Variants in RSPH10B2 observed in about 807,000 individuals in gnomAD.
RSPH10B2 encodes the protein radial spoke head 10 homolog B2, also known as radial spoke head 10 homolog B2 (Chlamydomonas).
Under a neutral mutation model 49.0 loss-of-function variants are expected in RSPH10B2, and 9 were observed. The observed-to-expected ratio is 0.18, with a 90% CI of 0.11 to 0.32. The LOEUF is 0.32. Among genes scored for constraint, RSPH10B2 ranks in the 10% least tolerant of loss-of-function variants. The pLI, the probability that RSPH10B2 is intolerant of heterozygous loss-of-function variation, is 1.00. For missense variants in RSPH10B2, 95 were observed against 589.9 expected (o/e 0.16, Z 8.69); for synonymous variants, 35 against 210.2 (o/e 0.17, Z 7.21).
chr7:6,756,085 G>C (rs966721303), upstream of RSPH10B2, among the ~76,000 whole-genome samples: 29 of 150,490 alleles, frequency 1.9e-4, no homozygotes, highest in Non-Finnish European at 4.4e-5. Flanking sequence ...TGGCTAACCC[G>C]GTGAAACCCC....
At chr7:6,785,165 G>A (rs1782100710) in intron 13 of RSPH10B2, among the ~76,000 whole-genome samples, 1 of 107,426 alleles carries the variant, frequency 9.3e-6, no homozygotes, top group South Asian at 3.2e-4. Flanking sequence ...GTGTGTGTGT[G>A]TGTGTGTGTG....
rs533803391 is a variant in RSPH10B2 at position 6,784,644 on chromosome 7, C to A, written c.1759-1305C>A. Among the ~76,000 whole-genome samples, 116 of 119,708 alleles carry A rather than the reference C, an allele frequency of 9.7e-4. 14 individuals are homozygous for A. Among genetic ancestry groups the A allele is most frequent in the African/African-American group, 3.6e-3 (103 of 28,288 alleles). The allele number at this position is 119,708 out of a possible 152,430, so 78.5% of individuals were successfully genotyped here. A position where few individuals can be genotyped will look rare whatever the true frequency, so the allele number is the denominator to read the frequency against. ...GCGGTGGCACGATCTCACCTCACTG[C>A]AACCTCTGCCTCCTGGGCTCAAGTG... On this transcript the variant is annotated intron_variant, in intron 13 of 18. Coordinates refer to ENST00000297186, the Ensembl canonical transcript of RSPH10B2.
chr7:6,782,790 G>A (rs1241186985), intron 13 of RSPH10B2, among the ~76,000 whole-genome samples: 1 of 115,926 alleles, frequency 8.6e-6, no homozygotes, highest in African/African-American at 3.4e-5. Context: ...GGCTGAGGCA[G>A]GAGAATTGCT....
chr7:6,783,877 C>A (rs1782039710), intron 13 of RSPH10B2, among the ~76,000 whole-genome samples: 1 of 141,898 alleles, frequency 7.0e-6, no homozygotes, highest in African/African-American at 2.7e-5. Context: ...TGCTCTGTCG[C>A]CCAGGCTGGA....
chr7:6,768,197 A>G (rs1361304878), intron 6 of RSPH10B2, among the ~76,000 whole-genome samples: 2 of 151,094 alleles, frequency 1.3e-5, no homozygotes, highest in Non-Finnish European at 3.0e-5. Context: ...ATAAAAATAT[A>G]TAAAAGCAAA....
intron 13 of RSPH10B2, among the ~76,000 whole-genome samples, chr7:6,782,844 C>A (rs533715501): frequency 0.015 from 1,726 of 118,948 alleles, 405 homozygotes; most frequent in African/African-American, 0.054. Context: ...AATTGTGCCA[C>A]TGCACTCCAG....
chr7:6,758,185 G>T (rs1383501193), intron 1 of RSPH10B2, among the ~76,000 whole-genome samples: 3 of 150,004 alleles, frequency 2.0e-5, no homozygotes, highest in Non-Finnish European at 4.4e-5. Flanking sequence ...TCACCCTGTT[G>T]GCCAGGCTGG....
intron 16 of RSPH10B2, among the ~76,000 whole-genome samples, chr7:6,791,456 C>A (rs1164029845): frequency 6.7e-6 from 1 of 148,368 alleles, no homozygotes; most frequent in African/African-American, 2.5e-5. Context: ...TTAAAATAGT[C>A]AAATTGGCTG....
chr7:6,791,240 G>T (rs1782310237), intron 16 of RSPH10B2, among the ~76,000 whole-genome samples: 1 of 115,526 alleles, frequency 8.7e-6, no homozygotes, highest in African/African-American at 3.7e-5. Context: ...CTGACCTTGT[G>T]ATCCACCTGT....
intron 4 of RSPH10B2, among the ~76,000 whole-genome samples, chr7:6,764,708 T>TGTG (rs374611457): frequency 2.0e-5 from 3 of 147,598 alleles, no homozygotes; most frequent in East Asian, 4.0e-4. Flanking sequence ...GTTGTTGTTG[T>TGTG]TGTGTGTGTG....
chr7:6,774,757 T>TG (rs1781709410), intron 9 of RSPH10B2, among the ~76,000 whole-genome samples: 2 of 79,074 alleles, frequency 2.5e-5, no homozygotes, highest in South Asian at 1.1e-3. Context: ...TTTTTTTTGT[T>TG]TTTTTTTTTT....
At chr7:6,754,629 G>A (rs2115388776), upstream of RSPH10B2, 1 of 56,964 alleles carries the variant, frequency 1.8e-5, no homozygotes, top group Non-Finnish European at 3.3e-5. Flanking sequence ...GGTGGCTCAC[G>A]CCTGTAACCC....
chr7:6,795,680 G>C (rs1321527189), intron 17 of RSPH10B2, among the ~76,000 whole-genome samples: 3 of 144,122 alleles, frequency 2.1e-5, no homozygotes, highest in African/African-American at 7.6e-5. Context: ...AGGATCATTT[G>C]AGCCCAGGAG....
chr7:6,757,904 C>A (rs370404145), exon 1 of RSPH10B2: 5 of 1,580,718 alleles, frequency 3.2e-6, no homozygotes, highest in Non-Finnish European at 4.3e-6. Flanking sequence ...TACGAAGAGT[C>A]CATTCTGACC....
chr7:6,797,452 A>G (rs1304152531), intron 18 of RSPH10B2, among the ~76,000 whole-genome samples: 1 of 152,200 alleles, frequency 6.6e-6, no homozygotes, highest in Non-Finnish European at 1.5e-5. Context: ...CGAGATTAGA[A>G]GGTTGGGACT....
chr7:6,779,975 T>A (rs1161787324), intron 11 of RSPH10B2, among the ~76,000 whole-genome samples: 1 of 70,722 alleles, frequency 1.4e-5, no homozygotes, highest in Non-Finnish European at 2.5e-5. Context: ...GCCTGGCTAA[T>A]TTTTTTTTTT....
At chr7:6,764,657 C>G (rs548352568) in intron 4 of RSPH10B2, among the ~76,000 whole-genome samples, 1,324 of 151,558 alleles carry the variant, frequency 8.7e-3, no homozygotes, top group Middle Eastern at 0.085. Context: ...CACACTGTGC[C>G]TGGCCGTATG....
At chr7:6,756,180 G>A (rs1400622707), upstream of RSPH10B2, among the ~76,000 whole-genome samples, 3 of 143,460 alleles carry the variant, frequency 2.1e-5, no homozygotes, top group African/African-American at 5.4e-5. Context: ...TGAGGCAGGA[G>A]AATGGCATGA....
chr7:6,755,659 G>C (rs1180906148), upstream of RSPH10B2, among the ~76,000 whole-genome samples: 1 of 50,272 alleles, frequency 2.0e-5, no homozygotes. Flanking sequence ...AACCAGCCAG[G>C]CACGGTGGCT....
Sources: allele counts gnomAD v4.1 joint callset (sites outside exome capture counted in the v4.1 genomes callset), GRCh38; gene constraint gnomAD v4.1.1; transcripts MANE v1.5; gene names NCBI Gene and HGNC (gene_info 2026-07-23, HGNC 2026-07-21).